PXDNL: variants seen among roughly 807,000 people sequenced by gnomAD.
PXDNL encodes probable oxidoreductase PXDNL.
PXDNL carries 145 observed loss-of-function variants against 150.8 expected under a neutral mutation model. The observed-to-expected ratio is 0.96, with a 90% CI of 0.84 to 1.10. The LOEUF (loss-of-function observed/expected upper bound fraction) is 1.10, where lower values mean the gene tolerates loss of function less well. PXDNL is among the 50% of genes least tolerant of loss of function. The pLI is 0.00. For missense variants in PXDNL, 2,087 were observed against 1,873.9 expected (o/e 1.11, Z -2.10); for synonymous variants, 757 against 725.7 (o/e 1.04, Z -0.69).
At chr8:51,736,654 C>A (rs952720356) in intron 1 of PXDNL, among the ~76,000 whole-genome samples, 4 of 152,208 alleles carry the variant, frequency 2.6e-5, no homozygotes, top group Non-Finnish European at 5.9e-5. Flanking sequence ...CAGCTATCCT[C>A]ACTTTGGCTA....
At chr8:51,582,882 CA>C (rs71970269) in intron 3 of PXDNL, among the ~76,000 whole-genome samples, 4,467 of 148,050 alleles carry the variant, frequency 0.03, 226 homozygotes, top group African/African-American at 0.1. Flanking sequence ...CTTTCACTCT[CA>C]AAAAAAAAAT....
chr8:51,484,212 G>A (rs866421652), intron 5 of PXDNL, among the ~76,000 whole-genome samples: 18 of 152,156 alleles, frequency 1.2e-4, no homozygotes, highest in Middle Eastern at 3.4e-3. Context: ...CAAGCTGGGC[G>A]GATGACTTGA....
chr8:51,714,362 A>G (rs1816563427), intron 1 of PXDNL, among the ~76,000 whole-genome samples: 1 of 152,220 alleles, frequency 6.6e-6, no homozygotes, highest in African/African-American at 2.4e-5. Flanking sequence ...TTCATTTCAT[A>G]GCACTGAGGA....
At chr8:51,705,437 A>G (rs574534275) in intron 1 of PXDNL, among the ~76,000 whole-genome samples, 1 of 152,382 alleles carries the variant, frequency 6.6e-6, no homozygotes, top group East Asian at 1.9e-4. Context: ...CTACAGGGAC[A>G]ATAACATGGT....
intron 1 of PXDNL, among the ~76,000 whole-genome samples, chr8:51,791,500 C>T (rs925591917): frequency 1.3e-5 from 2 of 152,202 alleles, no homozygotes; most frequent in Non-Finnish European, 2.9e-5. Flanking sequence ...AGAGAGTACC[C>T]AGGGATTGGG....
Position 51,408,941 on chromosome 8 carries a change from C to T in PXDNL, c.2683G>A (p.Asp895Asn), listed in dbSNP as rs1015948224. The change falls in exon 17 of 23, where the codon GAT becomes AAT. Residue 895 changes from aspartate to asparagine, a missense_variant. Physicochemically the swap from Asp to Asn is conservative, Grantham distance 23 (BLOSUM62 1). Transcript: ENST00000356297. ...GAGCTCCCGTAAACGTTGGAGCCAT[C>T]GATGTAGGCTGTTTGCTGGTTGATC... ...EQINQQTAYI[D>N]GSNVYGSSER... 5.0e-6 allele frequency: 8 copies of T among 1,612,604 alleles called. No homozygotes were observed. Among genetic ancestry groups the T allele is most frequent in the Non-Finnish European group, 6.8e-6 (8 of 1,179,770 alleles).
At chr8:51,674,446 G>C (rs1341452013) in intron 1 of PXDNL, among the ~76,000 whole-genome samples, 2 of 152,240 alleles carry the variant, frequency 1.3e-5, no homozygotes, top group Non-Finnish European at 2.9e-5. Context: ...AATTTGGAAA[G>C]AGAAACTTCT....
At chr8:51,562,789 G>C (rs979644565) in intron 3 of PXDNL, among the ~76,000 whole-genome samples, 1 of 151,970 alleles carries the variant, frequency 6.6e-6, no homozygotes, top group Non-Finnish European at 1.5e-5. Flanking sequence ...TGGGACCATA[G>C]AGGTGCTGAG....
chr8:51,338,438 C>T (rs980646816), intron 21 of PXDNL, among the ~76,000 whole-genome samples: 8 of 152,184 alleles, frequency 5.3e-5, no homozygotes, highest in African/African-American at 1.9e-4. Context: ...GTTCTAGAAT[C>T]TCTTTGGATC....
rs536189611 is a variant in PXDNL at position 51,470,817 on chromosome 8, C to G, written c.812+1370G>C. Among the ~76,000 whole-genome samples, 45 of 152,152 alleles carry G rather than the reference C, an allele frequency of 3.0e-4. No individual in the cohort carries two copies. The East Asian group carries it at 7.0e-3, about 24-fold the overall frequency. ...CTGAAACTGGACCCCTTCCTTACACCTTATACAAAAATTAACTCGAGATGG... is the reference window on the plus strand; with the variant it reads ...CTGAAACTGGACCCCTTCCTTACACGTTATACAAAAATTAACTCGAGATGG... On this transcript the variant is annotated intron_variant, in intron 8 of 22. Transcript: ENST00000356297.
chr8:51,523,825 T>C (rs1811709998), intron 4 of PXDNL, among the ~76,000 whole-genome samples: 1 of 152,128 alleles, frequency 6.6e-6, no homozygotes, highest in South Asian at 2.1e-4. Flanking sequence ...TGATTCAAAA[T>C]TGAACTAGAC....
chr8:51,399,935 T>C (rs1021328511), intron 17 of PXDNL, among the ~76,000 whole-genome samples: 1 of 152,246 alleles, frequency 6.6e-6, no homozygotes, highest in Non-Finnish European at 1.5e-5. Flanking sequence ...TCTTTATTTC[T>C]GTAAGTGTTA....
In PXDNL at chr8:51,641,527, T is replaced by C. The variant is rs1027192507; in HGVS notation, c.236+13162A>G. 3.3e-5 allele frequency among the ~76,000 whole-genome samples: 5 copies of C among 151,906 alleles called. No individual in the cohort carries two copies. In the East Asian group the frequency reaches 5.8e-4, roughly 18 times the overall value. On this transcript the variant is annotated intron_variant, in intron 2 of 22. Coordinates refer to ENST00000356297, the MANE Select transcript of PXDNL (RefSeq NM_144651.5). Reference sequence around the variant, plus strand: ...TTTACAAGAAAAAAACAAACAACCCTATCAAAAAGTGGGCGAAGGACATGA... The same window carrying C: ...TTTACAAGAAAAAAACAAACAACCCCATCAAAAAGTGGGCGAAGGACATGA...
chr8:51,765,849 C>CT (rs5891431), intron 1 of PXDNL, among the ~76,000 whole-genome samples: 8,934 of 142,166 alleles, frequency 0.063, 358 homozygotes, highest in Non-Finnish European at 0.09. Flanking sequence ...CCTGTTTATT[C>CT]TTTTTTTTTT....
At chr8:51,523,902 T>G (rs1287710999) in intron 4 of PXDNL, among the ~76,000 whole-genome samples, 1 of 152,112 alleles carries the variant, frequency 6.6e-6, no homozygotes, top group Non-Finnish European at 1.5e-5. Context: ...AGAGATGAAA[T>G]CAGGGCTGGA....
rs373038397 is a variant in PXDNL, at chr8:51,337,733, TG to T, written c.4146+1890del. Among the ~76,000 whole-genome samples the T allele has an allele frequency of 2.4e-4, 35 of 147,004 alleles. No homozygotes were observed. In the East Asian group the frequency reaches 6.6e-3, roughly 28 times the overall value. ...CTCTATTAAAAATACAAAAATGAGC[TG>T]GGCATGGTGGTGGGCGCCTGTAGTC... On this transcript the variant is annotated intron_variant, in intron 21 of 22. Coordinates refer to ENST00000356297, the MANE Select transcript of PXDNL (RefSeq NM_144651.5).
intron 1 of PXDNL, among the ~76,000 whole-genome samples, chr8:51,772,204 G>C (rs553570703): frequency 2.0e-5 from 3 of 147,066 alleles, no homozygotes; most frequent in East Asian, 4.1e-4. Flanking sequence ...CTCTCTCTCT[G>C]TCTCTGTCTC....
At chr8:51,725,828 C>T (rs1163662886) in intron 1 of PXDNL, among the ~76,000 whole-genome samples, 1 of 152,246 alleles carries the variant, frequency 6.6e-6, no homozygotes, top group Non-Finnish European at 1.5e-5. Context: ...TATTCACACA[C>T]AGGTAAGACA....
chr8:51,555,280 A>G (rs1812576544), intron 4 of PXDNL, among the ~76,000 whole-genome samples: 1 of 152,170 alleles, frequency 6.6e-6, no homozygotes, highest in East Asian at 1.9e-4. Context: ...CATGATAAAG[A>G]GCTTGCTCCC....
Sources: gnomAD v4.1 joint callset for allele counts (sites outside exome capture counted in the v4.1 genomes callset) on GRCh38, gnomAD v4.1.1 for gene constraint, MANE v1.5 for transcripts, NCBI Gene and HGNC (gene_info 2026-07-23, HGNC 2026-07-21) for gene names.